The following ARHGAP15 variants were observed in gnomAD, a reference collection of about 807,000 sequenced individuals.
ARHGAP15 encodes the protein Rho GTPase activating protein 15.
A neutral mutation model predicts 63.7 loss-of-function variants in ARHGAP15; 51 were observed. The ratio of observed to expected loss-of-function variants is 0.80; its 90% CI spans 0.64 to 1.01. The LOEUF (loss-of-function observed/expected upper bound fraction) is 1.01. ARHGAP15 is among the 50% of genes least tolerant of loss of function. The pLI, the probability that ARHGAP15 is intolerant of heterozygous loss-of-function variation, is 0.00. For missense variants in ARHGAP15, 560 were observed against 564.6 expected, an observed-to-expected ratio of 0.99 and a Z score of 0.08; for synonymous variants, 191 against 193.8, an observed-to-expected ratio of 0.99 and a Z score of 0.12.
chr2:143,670,206 C>CG, intron 12 of ARHGAP15, among the ~76,000 whole-genome samples: 1 of 152,320 alleles, frequency 6.6e-6, no homozygotes, highest in Non-Finnish European at 1.5e-5. Context: ...CTCCCAACCA[C>CG]ATTTCAGCCA....
intron 13 of ARHGAP15, among the ~76,000 whole-genome samples, chr2:143,710,593 C>T (rs757366935): frequency 3.6e-4 from 55 of 152,168 alleles, no homozygotes; most frequent in Non-Finnish European, 6.9e-4. Flanking sequence ...TGAATGGTAA[C>T]ATTCACCACT....
intron 6 of ARHGAP15, among the ~76,000 whole-genome samples, chr2:143,292,221 T>C (rs1220215318): frequency 6.6e-6 from 1 of 152,128 alleles, no homozygotes; most frequent in Non-Finnish European, 1.5e-5. Context: ...TTCCAGCCAA[T>C]AACAGAATAT....
At chr2:143,179,532 C>A (rs1198027663) in intron 2 of ARHGAP15, among the ~76,000 whole-genome samples, 5 of 152,074 alleles carry the variant, frequency 3.3e-5, no homozygotes, top group Non-Finnish European at 7.4e-5. Flanking sequence ...TTTCACAGAG[C>A]AAATAAAAGT....
intron 12 of ARHGAP15, among the ~76,000 whole-genome samples, chr2:143,624,824 T>C (rs1480743983): frequency 1.3e-5 from 2 of 152,178 alleles, no homozygotes; most frequent in Admixed American, 1.3e-4. Context: ...TCTGTTAAAC[T>C]GGTGACTTTA....
chr2:143,321,100 C>T (rs1032187235), intron 6 of ARHGAP15, among the ~76,000 whole-genome samples: 17 of 152,144 alleles, frequency 1.1e-4, no homozygotes, highest in African/African-American at 4.1e-4. Flanking sequence ...GGCCCACTAC[C>T]ATTTTCCTGG....
At chr2:143,251,691 AATT>A (rs1320910170) in intron 6 of ARHGAP15, among the ~76,000 whole-genome samples, 1 of 152,108 alleles carries the variant, frequency 6.6e-6, no homozygotes, top group Non-Finnish European at 1.5e-5. Flanking sequence ...GAATATATGC[AATT>A]ATTATTTGTC....
At chr2:143,269,112 G>A (rs918751097) in intron 6 of ARHGAP15, among the ~76,000 whole-genome samples, 1 of 151,972 alleles carries the variant, frequency 6.6e-6, no homozygotes, top group Non-Finnish European at 1.5e-5. Flanking sequence ...TTCAAATATG[G>A]GTTCATTACG....
chr2:143,592,601 T>C (rs1420894168), intron 11 of ARHGAP15, among the ~76,000 whole-genome samples: 1 of 152,224 alleles, frequency 6.6e-6, no homozygotes, highest in Non-Finnish European at 1.5e-5. Context: ...CCAGGTCTCC[T>C]TAAGTTGTTC....
At chr2:143,711,375 G>C (rs1485086551) in intron 13 of ARHGAP15, among the ~76,000 whole-genome samples, 1 of 152,152 alleles carries the variant, frequency 6.6e-6, no homozygotes, top group South Asian at 2.1e-4. Flanking sequence ...AAAAATCAAA[G>C]GATGCCCCCC....
At chr2:143,272,865 C>T (rs1355262862) in intron 6 of ARHGAP15, among the ~76,000 whole-genome samples, 1 of 152,142 alleles carries the variant, frequency 6.6e-6, no homozygotes, top group Non-Finnish European at 1.5e-5. Context: ...CAGGTCGATC[C>T]AGAATCTTGC....
intron 8 of ARHGAP15, among the ~76,000 whole-genome samples, chr2:143,438,526 G>A (rs1284416987): frequency 6.6e-6 from 1 of 152,132 alleles, no homozygotes; most frequent in Non-Finnish European, 1.5e-5. Context: ...AAAATCCCAT[G>A]CCATAATTTT....
At chr2:143,353,040 A>C (rs1685640807) in intron 6 of ARHGAP15, among the ~76,000 whole-genome samples, 1 of 152,208 alleles carries the variant, frequency 6.6e-6, no homozygotes, top group Non-Finnish European at 1.5e-5. Flanking sequence ...AACTAGAATA[A>C]CACTTTATAA....
At chr2:143,658,492 T>C (rs927393210) in intron 12 of ARHGAP15, among the ~76,000 whole-genome samples, 2 of 152,196 alleles carry the variant, frequency 1.3e-5, no homozygotes, top group African/African-American at 2.4e-5. Context: ...GGATAGGGTT[T>C]AGCTGTAATT....
At chr2:143,471,955 C>G (rs766803629) in intron 8 of ARHGAP15, 1 of 152,224 alleles carries the variant, frequency 6.6e-6, no homozygotes, top group Non-Finnish European at 1.5e-5. Flanking sequence ...TACTCCCTTA[C>G]CCCCAACCGT....
chr2:143,343,985 A>G (rs1044244928), intron 6 of ARHGAP15: 33 of 152,112 alleles, frequency 2.2e-4, no homozygotes, highest in African/African-American at 7.0e-4. Context: ...TCATTATGGA[A>G]AGTAGTTAAT....
In ARHGAP15 at chr2:143,257,013, T is replaced by C. The variant is rs543499844; in HGVS notation, c.474+6413T>C. ...TGGGAACCACTGTCTTTTTGCACGT[T>C]TAATTTTCTAAGAAATAATAAAACT... is the stretch of plus-strand genomic sequence containing the variant. On this transcript the variant is annotated intron_variant, in intron 6 of 13. Coordinates refer to ENST00000295095, the MANE Select transcript of ARHGAP15 (RefSeq NM_018460.4). Among the ~76,000 whole-genome samples the C allele has an allele frequency of 3.9e-5, 6 of 152,158 alleles. 1 individual carries two copies. Among genetic ancestry groups the C allele is most frequent in the Admixed American group, 3.3e-4 (5 of 15,262 alleles).
intron 8 of ARHGAP15, among the ~76,000 whole-genome samples, chr2:143,450,102 C>T (rs199653408): frequency 4.3e-4 from 48 of 110,612 alleles, no homozygotes; most frequent in African/African-American, 6.4e-4. Flanking sequence ...CATAATTAAT[C>T]TTTTTTTTTT....
At chr2:143,559,277 C>T (rs1695931463) in intron 11 of ARHGAP15, among the ~76,000 whole-genome samples, 1 of 152,132 alleles carries the variant, frequency 6.6e-6, no homozygotes, top group Admixed American at 6.5e-5. Flanking sequence ...AAAAAATCTG[C>T]AATGAAAATA....
chr2:143,580,805 C>T (rs1434090011), intron 11 of ARHGAP15, among the ~76,000 whole-genome samples: 1 of 151,888 alleles, frequency 6.6e-6, no homozygotes, highest in Non-Finnish European at 1.5e-5. Flanking sequence ...CTTGTCTTCC[C>T]AACCAAAACC....
Sources: gnomAD v4.1 joint callset for allele counts (sites outside exome capture counted in the v4.1 genomes callset) on GRCh38, gnomAD v4.1.1 for gene constraint, MANE v1.5 for transcripts, NCBI Gene and HGNC (gene_info 2026-07-23, HGNC 2026-07-21) for gene names.